Variants in SNX13 observed in about 807,000 individuals in gnomAD.
The protein encoded by SNX13 is sorting nexin 13, also known as sorting nexin-13.
Under a neutral mutation model 133.6 loss-of-function variants are expected in SNX13, and 45 were observed. The observed-to-expected ratio is 0.34, with a 90% CI of 0.27 to 0.43. The LOEUF is 0.43. SNX13 is among the 20% of genes least tolerant of loss of function. SNX13 has a pLI of 1.00. For missense variants in SNX13, 1,032 were observed against 1,145.1 expected, an observed-to-expected ratio of 0.90 and a Z score of 1.43; for synonymous variants, 414 against 373.9, an observed-to-expected ratio of 1.11 and a Z score of -1.24.
chr7:17,795,776 C>T (rs1583435072), intron 25 of SNX13: 1 of 151,712 alleles, frequency 6.6e-6, no homozygotes, highest in South Asian at 2.1e-4. Context: ...CCATATAGCA[C>T]AATCAGGTTT....
In SNX13 at chr7:17,816,288, A is replaced by G. The variant is rs1034545915; in HGVS notation, c.1847T>C (p.Phe616Ser). 17 of 1,539,392 alleles carry G rather than the reference A, an allele frequency of 1.1e-5. No individual in the cohort carries two copies. Among genetic ancestry groups the G allele is most frequent in the Non-Finnish European group, 1.5e-5 (17 of 1,140,856 alleles). ...HDFHMRITEQ[F>S]ESLSSILKLP... ...TTTCAATATGCTTGAGAGACTTTCAAACTGTAAGACAAAATACATTCAATA... is the reference window on the plus strand; with the variant it reads ...TTTCAATATGCTTGAGAGACTTTCAGACTGTAAGACAAAATACATTCAATA... Residue 616 changes from phenylalanine to serine, a missense_variant and splice_region_variant, in exon 19 of 26, where the codon TTT (phenylalanine) becomes TCT (serine). Coordinates refer to ENST00000428135, the MANE Select transcript of SNX13 (RefSeq NM_015132.5).
intron 1 of SNX13, among the ~76,000 whole-genome samples, chr7:17,939,439 G>C (rs1161716568): frequency 6.6e-6 from 1 of 152,102 alleles, no homozygotes; most frequent in East Asian, 1.9e-4. Flanking sequence ...CACATAACTG[G>C]GCTAACCTGG....
At position 17,791,641 on chromosome 7, in the gene SNX13, ACATT is replaced by A. The variant is rs1783553166; in HGVS notation, c.*2400_*2403del. The A allele has an allele frequency of 6.6e-6, 1 of 152,140 alleles. No homozygotes were observed. Among genetic ancestry groups the A allele is most frequent in the South Asian group, 2.1e-4 (1 of 4,836 alleles). 9.4% of individuals were successfully genotyped at this position (152,140 alleles called of 1,614,324 possible). ...CCTAAAGGCACCACTGACTTAAAAA[ACATT>A]CAAAATCAAATACCAGAAGACATAA... is the stretch of plus-strand genomic sequence containing the variant. On this transcript the variant is annotated 3_prime_UTR_variant, in exon 26 of 26. Coordinates refer to ENST00000428135, the MANE Select transcript of SNX13 (RefSeq NM_015132.5).
At chr7:17,794,362 T>G (rs905814148) in intron 25 of SNX13, 70 bp from the exon 26 acceptor site, 1 of 1,520,538 alleles carries the variant, frequency 6.6e-7, no homozygotes, top group Non-Finnish European at 8.8e-7. Flanking sequence ...TTAAATGTTC[T>G]TAAATTAAGG....
chr7:17,842,028 A>C (rs1338819132), intron 12 of SNX13, among the ~76,000 whole-genome samples: 1 of 151,990 alleles, frequency 6.6e-6, no homozygotes, highest in South Asian at 2.1e-4. Flanking sequence ...TACATATGGG[A>C]GTTCTATAAG....
rs1206873109 is a variant in SNX13, at chr7:17,878,829, G to A, written c.441-3039C>T. Among the ~76,000 whole-genome samples, 6 of 152,062 alleles carry A rather than the reference G, an allele frequency of 3.9e-5. No homozygotes were observed. The East Asian group carries it at 7.7e-4, about 20-fold the overall frequency. ...TCCTCTTTGTTATGCAGATTCACAGGCTTTCTTTCCATTTGTCAAGTGCAA... is the reference window on the plus strand; with the variant it reads ...TCCTCTTTGTTATGCAGATTCACAGACTTTCTTTCCATTTGTCAAGTGCAA... On this transcript the variant is annotated intron_variant, in intron 5 of 25. Coordinates refer to ENST00000428135, the MANE Select transcript of SNX13 (RefSeq NM_015132.5).
intron 20 of SNX13, among the ~76,000 whole-genome samples, chr7:17,805,254 T>TGCGTGCGTGCGCGCGCGCGCGC (rs1554304326): frequency 1.4e-4 from 19 of 132,438 alleles, no homozygotes; most frequent in East Asian, 8.6e-4. Context: ...TGTGTGTGCG[T>TGCGTGCGTGCGCGCGCGCGCGC]GCGCGCGCGC....
intron 9 of SNX13, among the ~76,000 whole-genome samples, chr7:17,853,424 A>G (rs564684623): frequency 6.6e-6 from 1 of 152,360 alleles, no homozygotes; most frequent in South Asian, 2.1e-4. Flanking sequence ...TGAATACTGT[A>G]AAAGTACAAG....
At chr7:17,832,096 T>A (rs17659200) in intron 15 of SNX13, 88,020 of 982,382 alleles carry the variant, frequency 0.09, 4,275 homozygotes, top group South Asian at 0.15. Flanking sequence ...CAAACTACAA[T>A]CAATGATTCA....
chr7:17,899,308 T>G (rs567703225), intron 1 of SNX13: 12 of 152,302 alleles, frequency 7.9e-5, no homozygotes, highest in African/African-American at 2.9e-4. Flanking sequence ...TTAAATCTGC[T>G]CAGTGTTCTA....
Position 17,814,950 on chromosome 7 carries a change from AAG to A in SNX13, c.1954-8_1954-7del. 7.3e-7 allele frequency: 1 copy of A among 1,371,690 alleles called. No individual in the cohort carries two copies. The highest frequency in any genetic ancestry group is 1.7e-5 in the South Asian group (1 of 60,368). 85.0% of individuals were successfully genotyped at this position (1,371,690 alleles called of 1,614,324 possible). ...ATTTCAGGAGCTAACAGTAACTAAC[AAG>A]AAAAAAAAAAAAAAGAAGAGATTAT... On this transcript the variant is annotated splice_polypyrimidine_tract_variant and splice_region_variant and intron_variant, in intron 19 of 25. Coordinates refer to ENST00000428135, the MANE Select transcript of SNX13 (RefSeq NM_015132.5).
intron 25 of SNX13, chr7:17,794,934 G>C (rs142119090): frequency 1.3e-5 from 2 of 151,676 alleles, no homozygotes; most frequent in Admixed American, 6.6e-5. Context: ...CGATAACAAA[G>C]AAAAGTTCCC....
intron 18 of SNX13, 37 bp downstream of exon 18, chr7:17,821,472 A>T: frequency 6.5e-7 from 1 of 1,533,186 alleles, no homozygotes; most frequent in South Asian, 1.2e-5. Context: ...AAATCAAGAA[A>T]CAACATAAAG....
intron 12 of SNX13, among the ~76,000 whole-genome samples, chr7:17,840,894 T>C (rs7804831): frequency 0.01 from 1,538 of 152,208 alleles, 10 homozygotes; most frequent in Non-Finnish European, 0.017. Flanking sequence ...TGGAATCTAA[T>C]GAAGATTTGC....
chr7:17,876,117 C>T (rs1794695925), intron 5 of SNX13, among the ~76,000 whole-genome samples: 1 of 152,208 alleles, frequency 6.6e-6, no homozygotes, highest in Non-Finnish European at 1.5e-5. Context: ...TGTAATTTCT[C>T]AGCCCCAACA....
At position 17,814,894 on chromosome 7, in the gene SNX13, A is replaced by G; in HGVS notation, c.2004T>C (p.Tyr668=). Residue 668 remains tyrosine, a synonymous_variant, in exon 20 of 26, where the codon TAT becomes TAC. Coordinates refer to ENST00000428135, the MANE Select transcript of SNX13 (RefSeq NM_015132.5). ...MMKASPALAH[Y]VYDFLENKAY... Reference sequence around the variant, plus strand: ...CTTTGTTCTCAAGGAAATCATACACATAGTGAGCTAAAGCGGGGGATGCCT... The same window carrying G: ...CTTTGTTCTCAAGGAAATCATACACGTAGTGAGCTAAAGCGGGGGATGCCT... The G allele has an allele frequency of 1.3e-6, 2 of 1,547,236 alleles. No homozygotes were observed. Among genetic ancestry groups the G allele is most frequent in the Non-Finnish European group, 8.7e-7 (1 of 1,154,050 alleles).
intron 9 of SNX13, among the ~76,000 whole-genome samples, chr7:17,856,449 T>C (rs1442867570): frequency 1.3e-5 from 2 of 152,112 alleles, no homozygotes; most frequent in Non-Finnish European, 2.9e-5. Context: ...TACCTATTAG[T>C]AGTAACACTA....
intron 12 of SNX13, among the ~76,000 whole-genome samples, chr7:17,841,169 G>C (rs1391286081): frequency 6.6e-6 from 1 of 150,950 alleles, no homozygotes; most frequent in African/African-American, 2.5e-5. Context: ...CTTTGTTGTT[G>C]CATATCTCTT....
At chr7:17,939,099 AC>A (rs1344669800) in intron 1 of SNX13, among the ~76,000 whole-genome samples, 1 of 152,206 alleles carries the variant, frequency 6.6e-6, no homozygotes, top group African/African-American at 2.4e-5. Flanking sequence ...TTAAGTACAA[AC>A]AGCAAAGTAT....
Sources: gnomAD v4.1 joint callset for allele counts (sites outside exome capture counted in the v4.1 genomes callset) on GRCh38, gnomAD v4.1.1 for gene constraint, MANE v1.5 for transcripts, NCBI Gene and HGNC (gene_info 2026-07-23, HGNC 2026-07-21) for gene names.